Variants in NBEA observed in about 807,000 individuals in gnomAD.
NBEA encodes lysosomal-trafficking regulator 2.
A neutral mutation model predicts 343.4 loss-of-function variants in NBEA; 44 were observed. The observed-to-expected ratio is 0.13, with a 90% confidence interval of 0.10 to 0.16. The LOEUF is 0.16. Ranked by LOEUF, NBEA falls within the 10% of genes least tolerant of loss-of-function variation. NBEA has a pLI of 1.00. For synonymous variants in NBEA, 1,175 were observed against 1,238.7 expected, an observed-to-expected ratio of 0.95 and a Z score of 1.08; for missense variants, 2,555 against 3,631.3, an observed-to-expected ratio of 0.70 and a Z score of 7.62.
At chr13:35,153,495 A>T (rs1256881736) in intron 18 of NBEA, among the ~76,000 whole-genome samples, 1 of 152,156 alleles carries the variant, frequency 6.6e-6, no homozygotes, top group East Asian at 1.9e-4. Context: ...AGGGCACATA[A>T]CTGGTTATTA....
At chr13:35,471,811 A>G (rs2075659455) in intron 40 of NBEA, among the ~76,000 whole-genome samples, 2 of 152,194 alleles carry the variant, frequency 1.3e-5, no homozygotes, top group Non-Finnish European at 2.9e-5. Flanking sequence ...TTTCTACGTA[A>G]GAACTTTATG....
intron 36 of NBEA, among the ~76,000 whole-genome samples, chr13:35,320,365 G>A (rs1185566858): frequency 2.0e-5 from 3 of 152,164 alleles, no homozygotes; most frequent in Non-Finnish European, 4.4e-5. Flanking sequence ...AGCTGAGTTC[G>A]ACTGGATATG....
chr13:35,142,203 TAA>T (rs1179628889), intron 17 of NBEA, 64 bp from the exon 18 acceptor site: 9 of 991,982 alleles, frequency 9.1e-6, no homozygotes, highest in Non-Finnish European at 1.4e-5. Context: ...CTCTCTTATC[TAA>T]AAGTCATGTG....
At chr13:35,028,341 A>G (rs2062084441) in intron 1 of NBEA, among the ~76,000 whole-genome samples, 1 of 151,806 alleles carries the variant, frequency 6.6e-6, no homozygotes, top group Non-Finnish European at 1.5e-5. Context: ...TTCTTTCATC[A>G]GTGATTTGTT....
intron 51 of NBEA, among the ~76,000 whole-genome samples, chr13:35,648,284 G>A (rs2084345555): frequency 6.9e-6 from 1 of 145,248 alleles, no homozygotes. Context: ...ACTGCAGTTG[G>A]TCTTTCTGTG....
chr13:35,584,179 C>A, intron 46 of NBEA, 141 bp downstream of exon 46: 2 of 933,736 alleles, frequency 2.1e-6, no homozygotes, highest in South Asian at 3.0e-5. Flanking sequence ...TTCAAAGTAG[C>A]AAAATATGAA....
chr13:35,476,300 CT>C (rs2041944910), intron 41 of NBEA: 1 of 373,002 alleles, frequency 2.7e-6, no homozygotes, highest in Non-Finnish European at 3.5e-6. Context: ...GGTTTCCCTG[CT>C]GCTGCTGCTG....
At chr13:35,395,887 C>A (rs1484413843) in intron 38 of NBEA, among the ~76,000 whole-genome samples, 1 of 151,844 alleles carries the variant, frequency 6.6e-6, no homozygotes, top group Admixed American at 6.6e-5. Flanking sequence ...ATTAAATATC[C>A]CTCCTTATTT....
At position 35,211,047 on chromosome 13, in the gene NBEA, G is replaced by C; in HGVS notation, c.5522-6G>C. ...TTAAGGCTAAAAATTATTATTTTGG[G>C]AACAGGTGCCGTGGATTCAGGGTCC... On this transcript the variant is annotated splice_polypyrimidine_tract_variant and splice_region_variant and intron_variant, in intron 32 of 58. Coordinates refer to ENST00000379939, the MANE Select transcript of NBEA (RefSeq NM_001385012.1). The C allele has an allele frequency of 6.5e-7, 1 of 1,547,390 alleles. No individual in the cohort carries two copies. The highest frequency in any genetic ancestry group is 2.0e-5 in the Admixed American group (1 of 50,352).
In NBEA at chr13:35,195,876, C is replaced by T; in HGVS notation, c.4940C>T (p.Ala1647Val). 1 of 1,587,828 alleles carries T rather than the reference C, an allele frequency of 6.3e-7. No individual in the cohort carries two copies. The highest frequency in any genetic ancestry group is 8.5e-7 in the Non-Finnish European group (1 of 1,171,732). The part of the protein sequence containing the change: ...GHSFYKETPA[A>V]FPDTIKEKET... ...TCTTTCATTACAGAAACACCTGCTG[C>T]ATTTCCAGACACCATAAAAGAAAAA... Residue 1647 changes from alanine (A) to valine (V), a missense_variant, in exon 31 of 59, where the codon GCA (alanine) becomes GTA (valine). By Grantham distance (64) the Ala-to-Val change is moderately conservative (BLOSUM62 0). Transcript: ENST00000379939.
rs777690749 is a variant in NBEA, at chr13:35,452,081, G to A, written c.6305-11G>A. 1.9e-6 allele frequency: 3 copies of A among 1,599,702 alleles called. No individual in the cohort carries two copies. The highest frequency in any genetic ancestry group is 2.2e-5 in the East Asian group (1 of 44,738). On this transcript the variant is annotated splice_polypyrimidine_tract_variant and intron_variant, in intron 39 of 58. Transcript: ENST00000379939. ...TAATAACCTAAATGATTATATTTTT[G>A]TTGTGATTAGGCACGGAAGAAGATG...
intron 7 of NBEA, 64 bp from the exon 8 acceptor site, chr13:35,058,653 T>G: frequency 7.7e-7 from 1 of 1,301,294 alleles, no homozygotes; most frequent in Non-Finnish European, 1.1e-6. Context: ...GAAGGCCGAT[T>G]TAAGGATTTA....
At chr13:35,019,297 GTTTT>G (rs982884959) in intron 1 of NBEA, among the ~76,000 whole-genome samples, 16 of 149,336 alleles carry the variant, frequency 1.1e-4, no homozygotes, top group African/African-American at 3.7e-4. Flanking sequence ...ATTTTTTTTT[GTTTT>G]TTGTTTTTTT....
At chr13:35,092,085 CAGAAT>C (rs756228162) in intron 10 of NBEA, among the ~76,000 whole-genome samples, 1 of 151,984 alleles carries the variant, frequency 6.6e-6, no homozygotes, top group Non-Finnish European at 1.5e-5. Context: ...ATCAGTGAAA[CAGAAT>C]AGAGTCCAGA....
At chr13:35,560,571 T>TG (rs2079812296) in intron 44 of NBEA, among the ~76,000 whole-genome samples, 1 of 152,052 alleles carries the variant, frequency 6.6e-6, no homozygotes, top group African/African-American at 2.4e-5. Flanking sequence ...TCAACATCTG[T>TG]GGGGGAGTGA....
At position 35,124,531 on chromosome 13, in the gene NBEA, C is replaced by T. The variant is rs534646591; in HGVS notation, c.2336+957C>T. On this transcript the variant is annotated intron_variant, in intron 17 of 58. Coordinates refer to ENST00000379939, the MANE Select transcript of NBEA (RefSeq NM_001385012.1). Reference sequence around the variant, plus strand: ...ACACACACACACACGGATATATATACACACATATATGGATATATATATACA... The same window carrying T: ...ACACACACACACACGGATATATATATACACATATATGGATATATATATACA... Among the ~76,000 whole-genome samples, 19 of 149,256 alleles carry T rather than the reference C, an allele frequency of 1.3e-4. No homozygotes were observed. The South Asian group carries it at 2.3e-3, about 18-fold the overall frequency.
chr13:35,455,431 A>G (rs2046527883), intron 40 of NBEA, among the ~76,000 whole-genome samples: 1 of 151,722 alleles, frequency 6.6e-6, no homozygotes, highest in African/African-American at 2.4e-5. Context: ...AAAGAAGAAT[A>G]TCTGGCATGA....
At chr13:35,301,542 T>C (rs1261658539) in intron 35 of NBEA, among the ~76,000 whole-genome samples, 1 of 152,208 alleles carries the variant, frequency 6.6e-6, no homozygotes, top group African/African-American at 2.4e-5. Context: ...GGCTGCATAG[T>C]ATTCCGTGGT....
chr13:35,049,248 G>A (rs573240061), intron 5 of NBEA, among the ~76,000 whole-genome samples: 1 of 151,914 alleles, frequency 6.6e-6, no homozygotes, highest in African/African-American at 2.4e-5. Flanking sequence ...TTAACAATAA[G>A]TACATCAAAC....
Sources: allele counts gnomAD v4.1 joint callset (sites outside exome capture counted in the v4.1 genomes callset), GRCh38; gene constraint gnomAD v4.1.1; transcripts MANE v1.5; gene names NCBI Gene and HGNC (gene_info 2026-07-23, HGNC 2026-07-21).